The following RGS6 variants were observed in gnomAD, a reference collection of about 807,000 sequenced individuals.
RGS6 encodes the protein regulator of G-protein signaling 6.
RGS6 carries 30 observed loss-of-function variants against 78.5 expected under a neutral mutation model. The observed-to-expected ratio is 0.38, with a 90% CI of 0.29 to 0.52. RGS6 has a LOEUF of 0.52. Among genes scored for constraint, RGS6 ranks in the 20% least tolerant of loss-of-function variants. RGS6 has a pLI of 0.85. For missense variants in RGS6, 495 were observed against 609.7 expected, an observed-to-expected ratio of 0.81 and a Z score of 1.98; for synonymous variants, 206 against 206.0, an observed-to-expected ratio of 1.00 and a Z score of 0.00.
intron 2 of RGS6, among the ~76,000 whole-genome samples, chr14:72,243,272 T>A (rs1248615239): frequency 6.6e-6 from 1 of 152,270 alleles, no homozygotes; most frequent in Non-Finnish European, 1.5e-5. Context: ...CTCCTTATTT[T>A]GATATTCACC....
At chr14:72,202,337 G>A (rs1002561223) in intron 2 of RGS6, among the ~76,000 whole-genome samples, 6 of 152,096 alleles carry the variant, frequency 3.9e-5, no homozygotes, top group African/African-American at 1.4e-4. Flanking sequence ...GAAGAGGAGT[G>A]GCCACAGAGA....
At chr14:72,099,820 T>C (rs960278257) in intron 2 of RGS6, among the ~76,000 whole-genome samples, 11 of 152,218 alleles carry the variant, frequency 7.2e-5, no homozygotes, top group African/African-American at 2.7e-4. Context: ...GTAGTCATGG[T>C]TACTTTTGTT....
chr14:72,197,903 C>T (rs2040569583), intron 2 of RGS6, among the ~76,000 whole-genome samples: 1 of 151,890 alleles, frequency 6.6e-6, no homozygotes, highest in Non-Finnish European at 1.5e-5. Context: ...AACCAATGCT[C>T]TTAAAGTAGC....
chr14:72,574,155 C>G, the RGS6 span, among the ~76,000 whole-genome samples: 1 of 152,220 alleles, frequency 6.6e-6, no homozygotes, highest in South Asian at 2.1e-4. Flanking sequence ...GACCTTGACA[C>G]TTCTCACTCC....
chr14:71,936,786 A>AT (rs2089488235), intron 1 of RGS6, among the ~76,000 whole-genome samples: 1 of 152,234 alleles, frequency 6.6e-6, no homozygotes, highest in African/African-American at 2.4e-5. Flanking sequence ...ATACACAAAC[A>AT]TGTTTTTAAC....
intron 1 of RGS6, among the ~76,000 whole-genome samples, chr14:71,949,233 G>A (rs1457294519): frequency 6.6e-6 from 1 of 152,072 alleles, no homozygotes; most frequent in Admixed American, 6.5e-5. Context: ...AGCTTTATTC[G>A]ATCCTTACAA....
rs747142792 is a variant in RGS6 at position 72,191,401 on chromosome 14, G to A, written c.85-160694G>A. ...CGTAACTCCCTTGACCTTCCATGTT[G>A]TATTAGTCCTTTCTCATGCTGCTAA... On this transcript the variant is annotated intron_variant, in intron 2 of 17. Coordinates refer to ENST00000553525, the MANE Select transcript of RGS6 (RefSeq NM_001204424.2). 1.3e-3 allele frequency among the ~76,000 whole-genome samples: 195 copies of A among 152,266 alleles called. 1 individual carries two copies. Among genetic ancestry groups the A allele is most frequent in the Non-Finnish European group, 1.9e-3 (126 of 68,028 alleles).
At chr14:72,627,564 A>G in the RGS6 span, among the ~76,000 whole-genome samples, 1 of 152,028 alleles carries the variant, frequency 6.6e-6, no homozygotes, top group Non-Finnish European at 1.5e-5. Flanking sequence ...GCTTTACAGT[A>G]TGTTTTAATA....
At chr14:72,434,522 A>T (rs1356697992) in intron 3 of RGS6, among the ~76,000 whole-genome samples, 2 of 152,084 alleles carry the variant, frequency 1.3e-5, no homozygotes, top group African/African-American at 4.8e-5. Flanking sequence ...ACTGATCACA[A>T]TTCCGGTGGC....
At chr14:72,056,161 G>C (rs2093608262) in intron 2 of RGS6, among the ~76,000 whole-genome samples, 1 of 152,172 alleles carries the variant, frequency 6.6e-6, no homozygotes, top group African/African-American at 2.4e-5. Context: ...TAATCCTACA[G>C]TATAAGCAGT....
chr14:71,961,632 G>A (rs2093205861), intron 1 of RGS6, among the ~76,000 whole-genome samples: 1 of 152,204 alleles, frequency 6.6e-6, no homozygotes, highest in South Asian at 2.1e-4. Context: ...CTTGAAGACT[G>A]TGAAATGCAA....
intron 2 of RGS6, among the ~76,000 whole-genome samples, chr14:72,121,235 C>A (rs1312933726): frequency 1.3e-5 from 2 of 152,180 alleles, no homozygotes; most frequent in Non-Finnish European, 2.9e-5. Flanking sequence ...TTTAAACTTT[C>A]CTCCAGTGAA....
At chr14:72,015,159 G>C (rs2086683418) in intron 2 of RGS6, among the ~76,000 whole-genome samples, 1 of 152,226 alleles carries the variant, frequency 6.6e-6, no homozygotes, top group Non-Finnish European at 1.5e-5. Flanking sequence ...GCTCCCAGCT[G>C]CTTCCACTCA....
At position 72,513,621 on chromosome 14, in the gene RGS6, C is replaced by T. The variant is rs532052496; in HGVS notation, c.1091+3342C>T. ...CTCACAGCTCTGATGCAGGGAGCTC[C>T]GCTCAGTTTCTTGGCCTCATCCTTC... On this transcript the variant is annotated intron_variant, in intron 14 of 17. Transcript: ENST00000553525. Among the ~76,000 whole-genome samples the T allele has an allele frequency of 5.9e-5, 9 of 152,280 alleles. No homozygotes were observed. In the South Asian group the frequency reaches 8.3e-4, roughly 14 times the overall value.
chr14:71,972,007 A>T (rs2093841729), intron 2 of RGS6, among the ~76,000 whole-genome samples: 1 of 142,990 alleles, frequency 7.0e-6, no homozygotes, highest in South Asian at 2.2e-4. Flanking sequence ...AATTTTGGAC[A>T]TTTTTTTCTT....
Position 72,199,143 on chromosome 14 carries a change from T to G in RGS6, c.85-152952T>G, listed in dbSNP as rs1048769506. On this transcript the variant is annotated intron_variant, in intron 2 of 17. Transcript: ENST00000553525. ...GAAGGGAATTGATTTGTAAATGATG[T>G]GTATACACAAAGTGAAGGCCCAGTG... Among the ~76,000 whole-genome samples, 6 of 152,186 alleles carry G rather than the reference T, an allele frequency of 3.9e-5. No homozygotes were observed. In the East Asian group the frequency reaches 1.2e-3, roughly 29 times the overall value.
chr14:72,250,637 A>T (rs1264206927), intron 2 of RGS6, among the ~76,000 whole-genome samples: 1 of 152,214 alleles, frequency 6.6e-6, no homozygotes, highest in Non-Finnish European at 1.5e-5. Flanking sequence ...GATCACCTAT[A>T]AACTCAAGAA....
At chr14:72,166,406 T>C (rs773287281) in intron 2 of RGS6, among the ~76,000 whole-genome samples, 1 of 152,206 alleles carries the variant, frequency 6.6e-6, no homozygotes, top group Non-Finnish European at 1.5e-5. Flanking sequence ...AAAATTTCTA[T>C]GACAAAGCAA....
intron 2 of RGS6, among the ~76,000 whole-genome samples, chr14:72,083,866 G>A (rs920738724): frequency 2.0e-5 from 3 of 152,128 alleles, no homozygotes; most frequent in Non-Finnish European, 4.4e-5. Context: ...CATCAGTCTT[G>A]TACTTGGGGT....
Sources: gnomAD v4.1 joint callset for allele counts (sites outside exome capture counted in the v4.1 genomes callset) on GRCh38, gnomAD v4.1.1 for gene constraint, MANE v1.5 for transcripts, NCBI Gene and HGNC (gene_info 2026-07-23, HGNC 2026-07-21) for gene names.